Variants in ASTN2 observed in about 807,000 individuals in gnomAD.
The protein encoded by ASTN2 is astrotactin-2.
ASTN2 carries 54 observed loss-of-function variants against 139.8 expected under a neutral mutation model. The ratio of observed to expected loss-of-function variants is 0.39; its 90% CI spans 0.31 to 0.48. The LOEUF (loss-of-function observed/expected upper bound fraction) is 0.48, where lower values mean the gene tolerates loss of function less well. Among genes scored for constraint, ASTN2 ranks in the 20% least tolerant of loss-of-function variants. The probability of loss-of-function intolerance (pLI) is 0.95; values close to 1 mark genes in which losing one functional copy is unlikely to be tolerated. For missense variants in ASTN2, 1,565 were observed against 1,725.1 expected (o/e 0.91, Z 1.64); for synonymous variants, 756 against 719.5 (o/e 1.05, Z -0.81).
At chr9:117,394,142 C>T (rs1026209694) in intron 1 of ASTN2, among the ~76,000 whole-genome samples, 1 of 152,174 alleles carries the variant, frequency 6.6e-6, no homozygotes, top group African/African-American at 2.4e-5. Flanking sequence ...GTGCTACCAA[C>T]ATTAATTGGT....
At chr9:116,696,548 G>A (rs1860863410) in intron 16 of ASTN2, among the ~76,000 whole-genome samples, 1 of 152,010 alleles carries the variant, frequency 6.6e-6, no homozygotes, top group Admixed American at 6.6e-5. Flanking sequence ...ATGTATTTAT[G>A]CATCTTTCCA....
intron 10 of ASTN2, among the ~76,000 whole-genome samples, chr9:116,965,136 T>C (rs1214577566): frequency 6.6e-6 from 1 of 152,226 alleles, no homozygotes; most frequent in African/African-American, 2.4e-5. Context: ...TTAGTCTGTT[T>C]GTAGTCTCAG....
At chr9:116,793,373 A>G (rs1410029837) in intron 13 of ASTN2, among the ~76,000 whole-genome samples, 1 of 152,206 alleles carries the variant, frequency 6.6e-6, no homozygotes, top group Non-Finnish European at 1.5e-5. Flanking sequence ...AGCAATGAAC[A>G]ACACAGACAG....
At chr9:116,836,747 C>T (rs1832007823) in intron 11 of ASTN2, among the ~76,000 whole-genome samples, 1 of 152,080 alleles carries the variant, frequency 6.6e-6, no homozygotes, top group Non-Finnish European at 1.5e-5. Context: ...AGCTGGTCTG[C>T]AATGCTCCAC....
At chr9:116,448,160 C>T (rs775668246) in intron 20 of ASTN2, among the ~76,000 whole-genome samples, 4 of 152,202 alleles carry the variant, frequency 2.6e-5, no homozygotes, top group Non-Finnish European at 5.9e-5. Context: ...AAAGTCTCCT[C>T]GCTGATTTGA....
At chr9:117,227,694 G>A (rs1328457881) in intron 2 of ASTN2, among the ~76,000 whole-genome samples, 2 of 152,186 alleles carry the variant, frequency 1.3e-5, no homozygotes, top group African/African-American at 2.4e-5. Context: ...GGGGTACTGG[G>A]TATAGGGATA....
intron 6 of ASTN2, among the ~76,000 whole-genome samples, chr9:117,014,480 C>T (rs758088743): frequency 3.9e-5 from 6 of 152,064 alleles, no homozygotes; most frequent in South Asian, 2.1e-4. Flanking sequence ...AGTCCTCCTC[C>T]GGTTATCTCT....
At chr9:116,829,737 T>G (rs544646084) in intron 11 of ASTN2, among the ~76,000 whole-genome samples, 5 of 152,282 alleles carry the variant, frequency 3.3e-5, no homozygotes, top group Non-Finnish European at 4.4e-5. Context: ...CCTCCAATAC[T>G]GGGGATTACA....
At chr9:116,546,165 T>C (rs1200856480) in intron 19 of ASTN2, 3 of 152,122 alleles carry the variant, frequency 2.0e-5, no homozygotes, top group African/African-American at 4.8e-5. Flanking sequence ...TACTGAGTAT[T>C]AGATGATGGG....
Position 116,779,501 on chromosome 9 carries a change from ATT to A in ASTN2, c.2396+26129_2396+26130del, listed in dbSNP as rs35487105. ...CTTTATAAATTACCCAGTCTCAGAT[ATT>A]TTTTTTTTTTATAGCAACACAGACA... On this transcript the variant is annotated intron_variant, in intron 13 of 22. Coordinates refer to ENST00000313400, the MANE Select transcript of ASTN2 (RefSeq NM_001365068.1). Among the ~76,000 whole-genome samples, 164 of 148,500 alleles carry A rather than the reference ATT, an allele frequency of 1.1e-3. 1 individual carries two copies. The highest frequency in any genetic ancestry group is 2.1e-3 in the South Asian group (10 of 4,708).
intron 19 of ASTN2, among the ~76,000 whole-genome samples, chr9:116,508,940 G>T (rs1259866209): frequency 3.3e-5 from 5 of 152,166 alleles, no homozygotes; most frequent in Non-Finnish European, 7.3e-5. Flanking sequence ...TGGCACTTCT[G>T]AGTGTGGGCT....
chr9:117,098,322 T>C (rs1408248155), intron 4 of ASTN2, among the ~76,000 whole-genome samples: 1 of 152,166 alleles, frequency 6.6e-6, no homozygotes, highest in Admixed American at 6.5e-5. Flanking sequence ...GATTTGCTAA[T>C]AATGAGTGAA....
intron 22 of ASTN2, among the ~76,000 whole-genome samples, chr9:116,432,039 C>T (rs1266295724): frequency 3.3e-5 from 5 of 152,116 alleles, no homozygotes; most frequent in African/African-American, 7.2e-5. Context: ...CAGTGGGAGT[C>T]GTAGCAGGCG....
intron 5 of ASTN2, among the ~76,000 whole-genome samples, chr9:117,045,438 G>A (rs17307429): frequency 0.042 from 6,453 of 151,854 alleles, 177 homozygotes; most frequent in South Asian, 0.074. Flanking sequence ...CATTCCACCC[G>A]GGCATATTGA....
chr9:116,788,317 A>T (rs1262830847), intron 13 of ASTN2, among the ~76,000 whole-genome samples: 1 of 152,190 alleles, frequency 6.6e-6, no homozygotes, highest in African/African-American at 2.4e-5. Context: ...ATTTGCTTTG[A>T]AAAGTTTTTT....
intron 20 of ASTN2, among the ~76,000 whole-genome samples, chr9:116,471,149 CT>C (rs1008266605): frequency 6.6e-6 from 1 of 152,126 alleles, no homozygotes; most frequent in Non-Finnish European, 1.5e-5. Flanking sequence ...TCTCTTCCCC[CT>C]GTTACAGGCT....
intron 1 of ASTN2, among the ~76,000 whole-genome samples, chr9:117,335,858 C>T (rs533116917): frequency 2.7e-4 from 41 of 152,118 alleles, no homozygotes; most frequent in African/African-American, 9.4e-4. Flanking sequence ...TCTATGTGTA[C>T]CCAGAGTTGG....
At chr9:116,633,854 T>C (rs1171038629) in intron 17 of ASTN2, among the ~76,000 whole-genome samples, 3 of 152,174 alleles carry the variant, frequency 2.0e-5, no homozygotes, top group Non-Finnish European at 4.4e-5. Context: ...TGGCCTTTGA[T>C]AGGGAGCCTT....
intron 11 of ASTN2, among the ~76,000 whole-genome samples, chr9:116,861,703 A>G (rs992124915): frequency 6.6e-6 from 1 of 152,154 alleles, no homozygotes; most frequent in Admixed American, 6.5e-5. Flanking sequence ...GAGCCCAGTT[A>G]ATCCCCCTGA....
Sources: allele counts gnomAD v4.1 joint callset (sites outside exome capture counted in the v4.1 genomes callset), GRCh38; gene constraint gnomAD v4.1.1; transcripts MANE v1.5; gene names NCBI Gene and HGNC (gene_info 2026-07-23, HGNC 2026-07-21).